Variants in HIVEP3 observed in about 807,000 individuals in gnomAD.
The protein encoded by HIVEP3 is transcription factor HIVEP3.
HIVEP3 carries 49 observed loss-of-function variants against 152.8 expected under a neutral mutation model. The observed-to-expected ratio is 0.32, with a 90% CI of 0.26 to 0.41. The LOEUF (loss-of-function observed/expected upper bound fraction) is 0.41. HIVEP3 is among the 10% of genes least tolerant of loss of function. HIVEP3 has a pLI of 1.00. For synonymous variants in HIVEP3, 1,269 were observed against 1,289.0 expected (o/e 0.98, Z 0.33); for missense variants, 2,790 against 3,103.3 (o/e 0.90, Z 2.40).
rs1433745488 is a variant in HIVEP3 at position 41,508,403 on chromosome 1, G to A, written c.*2048C>T. The stretch of plus-strand genomic sequence containing the variant: ...TGTCAGGCCACTGTCCAGCAATATG[G>A]ACAGTGTGGTCCAGGCTGGGCTTGC... On this transcript the variant is annotated 3_prime_UTR_variant, in exon 9 of 9. Transcript: ENST00000372583. The A allele has an allele frequency of 1.3e-5, 2 of 152,260 alleles. No homozygotes were observed. The highest frequency in any genetic ancestry group is 4.8e-5 in the African/African-American group (2 of 41,442). The allele number at this position is 152,260 out of a possible 1,614,324, so 9.4% of individuals were successfully genotyped here.
At chr1:41,729,987 G>A (rs1056015167) in intron 1 of HIVEP3, among the ~76,000 whole-genome samples, 6 of 152,220 alleles carry the variant, frequency 3.9e-5, no homozygotes, top group African/African-American at 1.4e-4. Context: ...TCCAGATGAA[G>A]ACACGAAGGC....
intron 6 of HIVEP3, 21 bp from the exon 7 acceptor site, chr1:41,518,509 T>C (rs747602806): frequency 8.7e-6 from 14 of 1,605,834 alleles, no homozygotes; most frequent in African/African-American, 2.7e-5. Context: ...ACGAGAATAC[T>C]TAGGCTCTGC....
intron 1 of HIVEP3, among the ~76,000 whole-genome samples, chr1:41,775,598 C>T (rs1423821883): frequency 6.6e-6 from 1 of 152,160 alleles, no homozygotes; most frequent in Non-Finnish European, 1.5e-5. Flanking sequence ...TCAAACGATT[C>T]TCCTGCCTCA....
At chr1:41,517,621 T>C (rs74071567) in intron 7 of HIVEP3, among the ~76,000 whole-genome samples, 16,012 of 152,226 alleles carry the variant, frequency 0.11, 2,775 homozygotes, top group African/African-American at 0.36. Flanking sequence ...TGCTTCCTGC[T>C]TTGCTTGGTG....
chr1:41,799,117 T>C (rs544664166), intron 1 of HIVEP3, among the ~76,000 whole-genome samples: 1 of 152,354 alleles, frequency 6.6e-6, no homozygotes, highest in South Asian at 2.1e-4. Context: ...AATATATGTA[T>C]TTCCTCAACT....
intron 5 of HIVEP3, among the ~76,000 whole-genome samples, chr1:41,573,067 C>A (rs1214972413): frequency 1.3e-5 from 2 of 152,270 alleles, no homozygotes; most frequent in East Asian, 3.9e-4. Flanking sequence ...CCTCTACTGG[C>A]CTGGATCTAA....
intron 1 of HIVEP3, among the ~76,000 whole-genome samples, chr1:41,839,948 T>A (rs1190108013): frequency 6.6e-6 from 1 of 152,214 alleles, no homozygotes; most frequent in Non-Finnish European, 1.5e-5. Flanking sequence ...TGTGACTATT[T>A]AAATGAGATA....
chr1:41,996,843 T>C (rs906350683), intron 1 of HIVEP3, among the ~76,000 whole-genome samples: 2 of 152,202 alleles, frequency 1.3e-5, no homozygotes, highest in Admixed American at 1.3e-4. Context: ...GGGGAAAATT[T>C]GTTCCCTTGT....
Position 41,638,024 on chromosome 1 carries a change from T to C in HIVEP3, c.-720-9077A>G, listed in dbSNP as rs376672787. Among the ~76,000 whole-genome samples, 19 of 152,204 alleles carry C rather than the reference T, an allele frequency of 1.2e-4. No homozygotes were observed. In the East Asian group the frequency reaches 3.3e-3, roughly 26 times the overall value. On this transcript the variant is annotated intron_variant, in intron 2 of 8. Coordinates refer to ENST00000372583, the MANE Select transcript of HIVEP3 (RefSeq NM_024503.5). ...ATAATGTGTACACATGGACACGAAG[T>C]GTGGAATAATAGACGCTGGAGGCTC...
chr1:41,649,534 A>G (rs1210286685), intron 2 of HIVEP3, among the ~76,000 whole-genome samples: 1 of 152,270 alleles, frequency 6.6e-6, no homozygotes, highest in Admixed American at 6.5e-5. Context: ...ACATGGGCCG[A>G]AGGAAATAAG....
rs1411760111 is a variant in HIVEP3 at position 41,664,021 on chromosome 1, ACCC to A, written c.-720-35077_-720-35075del. On this transcript the variant is annotated intron_variant, in intron 2 of 8. Coordinates refer to ENST00000372583, the MANE Select transcript of HIVEP3 (RefSeq NM_024503.5). The surrounding 1 kb of genome is among the most constrained non-coding windows in gnomAD (Gnocchi z 4.4). ...CCATCCTGCCATTTGCCCAGCCACC[ACCC>A]CCAACACGCACCACTTTGCACCAGT... Among the ~76,000 whole-genome samples, 1 of 151,662 alleles carries A rather than the reference ACCC, an allele frequency of 6.6e-6. No individual in the cohort carries two copies. Among genetic ancestry groups the A allele is most frequent in the Non-Finnish European group, 1.5e-5 (1 of 67,926 alleles).
intron 1 of HIVEP3, among the ~76,000 whole-genome samples, chr1:41,995,084 G>A (rs1404840385): frequency 6.6e-6 from 1 of 151,976 alleles, no homozygotes; most frequent in Non-Finnish European, 1.5e-5. Context: ...GAGAGAATGG[G>A]CAGAAGAAAT....
At chr1:41,895,825 C>T (rs1250831201) in intron 1 of HIVEP3, among the ~76,000 whole-genome samples, 4 of 152,194 alleles carry the variant, frequency 2.6e-5, no homozygotes, top group Non-Finnish European at 5.9e-5. Flanking sequence ...AATGAGAACA[C>T]GGCCTATAGA....
chr1:41,903,636 T>C (rs890775992), intron 1 of HIVEP3, among the ~76,000 whole-genome samples: 1 of 152,236 alleles, frequency 6.6e-6, no homozygotes, highest in Admixed American at 6.5e-5. Context: ...TCCTTGTTTC[T>C]TGAAGCCAGA....
chr1:41,650,769 T>C (rs1336483341), intron 2 of HIVEP3, among the ~76,000 whole-genome samples: 1 of 152,166 alleles, frequency 6.6e-6, no homozygotes, highest in African/African-American at 2.4e-5. Context: ...AATGAGATTG[T>C]CCTAAACATA....
intron 2 of HIVEP3, among the ~76,000 whole-genome samples, chr1:41,642,036 A>G (rs1448468682): frequency 1.3e-5 from 2 of 152,224 alleles, no homozygotes; most frequent in African/African-American, 4.8e-5. Context: ...AGTGCTTAGA[A>G]CAGGGCCTGG....
chr1:41,881,823 G>A (rs1644266569), intron 1 of HIVEP3, among the ~76,000 whole-genome samples: 2 of 152,262 alleles, frequency 1.3e-5, no homozygotes, highest in Non-Finnish European at 1.5e-5. Flanking sequence ...CAAAACTTCA[G>A]TCCAAATTAT....
At chr1:41,743,630 C>T (rs545241788) in intron 1 of HIVEP3, among the ~76,000 whole-genome samples, 8 of 152,144 alleles carry the variant, frequency 5.3e-5, no homozygotes, top group African/African-American at 1.4e-4. Flanking sequence ...CTGGAGATGA[C>T]GCTCAGGGAC....
At chr1:41,928,819 T>G (rs993488569) in intron 1 of HIVEP3, among the ~76,000 whole-genome samples, 2 of 152,138 alleles carry the variant, frequency 1.3e-5, no homozygotes, top group African/African-American at 4.8e-5. Context: ...CCCTTCTCAG[T>G]GCATCAAACT....
Sources: allele counts gnomAD v4.1 joint callset (sites outside exome capture counted in the v4.1 genomes callset), GRCh38; gene constraint gnomAD v4.1.1; non-coding constraint Gnocchi (gnomAD v3.1); transcripts MANE v1.5; gene names NCBI Gene and HGNC (gene_info 2026-07-23, HGNC 2026-07-21).